The following ALG14 variants were observed in gnomAD, a reference collection of about 807,000 sequenced individuals.
ALG14 encodes the protein UDP-N-acetylglucosamine transferase subunit ALG14.
A neutral mutation model predicts 22.8 loss-of-function variants in ALG14; 17 were observed. The ratio of observed to expected loss-of-function variants is 0.75; its 90% confidence interval spans 0.51 to 1.12. The LOEUF (loss-of-function observed/expected upper bound fraction) is 1.12. Among genes scored for constraint, ALG14 ranks in the 50% most tolerant of loss-of-function variants. The probability of loss-of-function intolerance (pLI) is 0.00; values close to 1 mark genes in which losing one functional copy is unlikely to be tolerated. For synonymous variants in ALG14, 89 were observed against 103.7 expected (o/e 0.86, Z 0.86); for missense variants, 288 against 271.8 (o/e 1.06, Z -0.42).
intron 2 of ALG14, among the ~76,000 whole-genome samples, chr1:95,055,276 C>T (rs1411185792): frequency 6.6e-6 from 1 of 152,082 alleles, no homozygotes; most frequent in African/African-American, 2.4e-5. Context: ...ATTAGATTAT[C>T]TTCACAGATA....
At chr1:95,050,038 AT>A (rs1674693226) in intron 2 of ALG14, among the ~76,000 whole-genome samples, 1 of 152,100 alleles carries the variant, frequency 6.6e-6, no homozygotes, top group South Asian at 2.1e-4. Flanking sequence ...GTATCTTCTG[AT>A]TTCTGGGAAG....
At chr1:95,017,204 A>G (rs1319128167) in intron 3 of ALG14, among the ~76,000 whole-genome samples, 1 of 152,234 alleles carries the variant, frequency 6.6e-6, no homozygotes, top group African/African-American at 2.4e-5. Context: ...GGCATTGAGA[A>G]AGACCTTGTC....
At chr1:95,027,088 A>C (rs1435270017) in intron 3 of ALG14, 41 bp downstream of exon 3, 1 of 1,608,358 alleles carries the variant, frequency 6.2e-7, no homozygotes, top group Admixed American at 1.7e-5. Flanking sequence ...AAAGATCTAC[A>C]GGGAGTTACT....
intron 2 of ALG14, among the ~76,000 whole-genome samples, chr1:95,028,024 A>T (rs527342913): frequency 6.6e-6 from 1 of 152,370 alleles, no homozygotes; most frequent in South Asian, 2.1e-4. Context: ...AACTATATGA[A>T]CTCGTATGGA....
intron 3 of ALG14, among the ~76,000 whole-genome samples, chr1:94,988,693 A>G (rs1672699407): frequency 6.6e-6 from 1 of 152,226 alleles, no homozygotes; most frequent in African/African-American, 2.4e-5. Flanking sequence ...AGTTCTTTCA[A>G]TACCAGGAGA....
chr1:94,985,050 C>T (rs910047477), intron 3 of ALG14, among the ~76,000 whole-genome samples: 5 of 152,074 alleles, frequency 3.3e-5, no homozygotes, highest in African/African-American at 1.2e-4. Context: ...GGAGAAAAGG[C>T]AGGCACACAG....
intron 1 of ALG14, among the ~76,000 whole-genome samples, chr1:95,068,844 C>T (rs1289428422): frequency 6.6e-6 from 1 of 152,142 alleles, no homozygotes; most frequent in East Asian, 1.9e-4. Context: ...CCAAATGTAA[C>T]ACTATCAAGT....
At position 95,027,205 on chromosome 1, in the gene ALG14, C is replaced by T. The variant is rs1270043322; in HGVS notation, c.344G>A (p.Trp115Ter). The T allele has an allele frequency of 1.2e-5, 19 of 1,613,984 alleles. No homozygotes were observed. Among genetic ancestry groups the T allele is most frequent in the African/African-American group, 2.7e-5 (2 of 74,902 alleles). The change falls in exon 3 of 4, where the codon TGG (tryptophan) becomes TAG (stop). Residue 115 changes from tryptophan (W) to a stop codon, truncating the protein, a stop_gained. Transcript: ENST00000370205. LOFTEE classifies it high-confidence loss of function. ...CAAGGTGGTGAAAACGGTGGAGGGCCAGGACTGCTGAACCTCCCGGCTTCT... is the reference window on the plus strand; with the variant it reads ...CAAGGTGGTGAAAACGGTGGAGGGCTAGGACTGCTGAACCTCCCGGCTTCT... ...IPRSREVQQS[W>*]PSTVFTTLHS...
At chr1:95,064,165 T>C (rs139595767) in intron 2 of ALG14, among the ~76,000 whole-genome samples, 2 of 152,194 alleles carry the variant, frequency 1.3e-5, no homozygotes, top group African/African-American at 4.8e-5. Flanking sequence ...GCTTATCAGC[T>C]TAAGAAGTTT....
Position 95,065,032 on chromosome 1 carries a change from A to C in ALG14, c.137-15T>G. ...GGTATGCCCACCTGGAAAAAATATC[A>C]GAAGTCCTAAGATTAAGAAACCCAC... On this transcript the variant is annotated splice_polypyrimidine_tract_variant and intron_variant, in intron 1 of 3. Transcript: ENST00000370205. 1 of 1,603,950 alleles carries C rather than the reference A, an allele frequency of 6.2e-7. No individual in the cohort carries two copies. Among genetic ancestry groups the C allele is most frequent in the Non-Finnish European group, 8.5e-7 (1 of 1,174,680 alleles).
At chr1:95,022,638 C>A (rs1356046925) in intron 3 of ALG14, among the ~76,000 whole-genome samples, 5 of 152,184 alleles carry the variant, frequency 3.3e-5, no homozygotes, top group Non-Finnish European at 7.3e-5. Context: ...GAAACCTAAA[C>A]AAATGGCTCC....
In ALG14 at chr1:94,979,303, A is replaced by AG; in HGVS notation, c.*3772_*3773insC. On this transcript the variant is annotated 3_prime_UTR_variant, in exon 4 of 4. Transcript: ENST00000370205. ...CGAGACTGTCTCGAAAAAAAAAAAA[A>AG]AAAAAAAAAAAGAAAGAAAAAAGTG... is the stretch of plus-strand genomic sequence containing the variant. The AG allele has an allele frequency of 6.7e-6, 1 of 149,962 alleles. No homozygotes were observed. The highest frequency in any genetic ancestry group is 2.0e-4 in the East Asian group (1 of 5,122). 9.3% of individuals were successfully genotyped at this position (149,962 alleles called of 1,614,324 possible).
intron 3 of ALG14, among the ~76,000 whole-genome samples, chr1:94,988,188 G>A (rs539638166): frequency 1.3e-5 from 2 of 152,244 alleles, no homozygotes; most frequent in East Asian, 1.9e-4. Context: ...AGGTAAATGG[G>A]GAAATGAGGA....
chr1:95,043,601 C>T (rs1674450446), intron 2 of ALG14, among the ~76,000 whole-genome samples: 1 of 152,148 alleles, frequency 6.6e-6, no homozygotes, highest in Non-Finnish European at 1.5e-5. Context: ...GCACTGCCAC[C>T]TGGTGGCAGG....
In ALG14 at chr1:94,995,765, C is replaced by T. The variant is rs138254852; in HGVS notation, c.421-12459G>A. On this transcript the variant is annotated intron_variant, in intron 3 of 3. Transcript: ENST00000370205. The stretch of plus-strand genomic sequence containing the variant: ...GTTTGGATTCCACACATTGACTAAG[C>T]AGTCAAGGTCTGCCAATAAAAACGT... Among the ~76,000 whole-genome samples, 509 of 152,302 alleles carry T rather than the reference C, an allele frequency of 3.3e-3. 1 individual carries two copies. The highest frequency in any genetic ancestry group is 0.011 in the African/African-American group (477 of 41,558).
intron 3 of ALG14, among the ~76,000 whole-genome samples, chr1:95,005,409 A>G (rs984143708): frequency 1.4e-5 from 2 of 146,558 alleles, no homozygotes; most frequent in Admixed American, 6.6e-5. Context: ...TAAGCCAGAA[A>G]CGAAATGGTC....
At position 94,982,940 on chromosome 1, in the gene ALG14, A is replaced by G. The variant is rs1672533442; in HGVS notation, c.*136T>C. Reference sequence around the variant, plus strand: ...AGTTTCTTCACTGAGTCATCTGTACATTTTTTATTCCTTACCATCAATAAT... The same window carrying G: ...AGTTTCTTCACTGAGTCATCTGTACGTTTTTTATTCCTTACCATCAATAAT... On this transcript the variant is annotated 3_prime_UTR_variant, in exon 4 of 4. Transcript: ENST00000370205. The G allele has an allele frequency of 2.8e-6, 2 of 702,246 alleles. No individual in the cohort carries two copies. The highest frequency in any genetic ancestry group is 1.8e-5 in the African/African-American group (1 of 55,598). 43.5% of individuals were successfully genotyped at this position (702,246 alleles called of 1,614,324 possible).
chr1:95,027,292 T>G (rs1209022710), intron 2 of ALG14, 32 bp from the exon 3 acceptor site: 1 of 1,610,006 alleles, frequency 6.2e-7, no homozygotes, highest in Middle Eastern at 1.7e-4. Flanking sequence ...CCAAATCAAC[T>G]GAGTCACTGA....
In ALG14 at chr1:94,982,699, C is replaced by CAA. The variant is rs368855559; in HGVS notation, c.*375_*376dup. 29,495 of 79,520 alleles carry CAA rather than the reference C, an allele frequency of 0.37. 8,522 individuals are homozygous for CAA. The highest frequency in any genetic ancestry group is 0.43 in the Non-Finnish European group (19,868 of 45,720). The allele number at this position is 79,520 out of a possible 1,614,324, so 4.9% of individuals were successfully genotyped here. ...TTCTTTTACAATGCAGAATACTTTA[C>CAA]AAAAAAAAAAAAAAAAAAAAAAAGC... On this transcript the variant is annotated 3_prime_UTR_variant, in exon 4 of 4. Coordinates refer to ENST00000370205, the MANE Select transcript of ALG14 (RefSeq NM_144988.4).
Sources: gnomAD v4.1 joint callset for allele counts (sites outside exome capture counted in the v4.1 genomes callset) on GRCh38, gnomAD v4.1.1 for gene constraint, MANE v1.5 for transcripts, NCBI Gene and HGNC (gene_info 2026-07-23, HGNC 2026-07-21) for gene names.